PTPRT: variants seen among roughly 807,000 people sequenced by gnomAD.
PTPRT encodes receptor-type tyrosine-protein phosphatase T.
Under a neutral mutation model 176.8 loss-of-function variants are expected in PTPRT, and 56 were observed. The ratio of observed to expected loss-of-function variants is 0.32; its 90% CI spans 0.26 to 0.40. The LOEUF is 0.40. PTPRT is among the 10% of genes least tolerant of loss of function. The probability of loss-of-function intolerance (pLI) is 1.00; values close to 1 mark genes in which losing one functional copy is unlikely to be tolerated. For synonymous variants in PTPRT, 783 were observed against 739.0 expected, an observed-to-expected ratio of 1.06 and a Z score of -0.96; for missense variants, 1,540 against 1,908.2, an observed-to-expected ratio of 0.81 and a Z score of 3.60.
chr20:42,103,772 C>T (rs1159149679), intron 25 of PTPRT, among the ~76,000 whole-genome samples: 1 of 152,226 alleles, frequency 6.6e-6, no homozygotes, highest in Non-Finnish European at 1.5e-5. Flanking sequence ...GAAATTCACA[C>T]CTGTTTGTAT....
intron 6 of PTPRT, among the ~76,000 whole-genome samples, chr20:42,718,645 AT>A (rs1281674775): frequency 6.6e-6 from 1 of 152,184 alleles, no homozygotes; most frequent in Non-Finnish European, 1.5e-5. Context: ...TTATGCTCTT[AT>A]TTATATAAAA....
In PTPRT at chr20:42,563,803, C is replaced by T. The variant is rs77946268; in HGVS notation, c.1154-91241G>A. Among the ~76,000 whole-genome samples the T allele has an allele frequency of 2.9e-3, 447 of 152,280 alleles. 1 individual carries two copies. Among genetic ancestry groups the T allele is most frequent in the Middle Eastern group, 0.017 (5 of 294 alleles). On this transcript the variant is annotated intron_variant, in intron 7 of 30. Transcript: ENST00000373187. ...GTGCGTGTGTGCACACACATGCCCA[C>T]GGCAAGTGTTTGGAAGGTGTTCTAT...
intron 7 of PTPRT, among the ~76,000 whole-genome samples, chr20:42,587,447 C>T (rs2073491466): frequency 6.6e-6 from 1 of 152,236 alleles, no homozygotes; most frequent in East Asian, 1.9e-4. Flanking sequence ...AGGCAGAGCC[C>T]TGACATCAGC....
chr20:42,380,425 C>T (rs533148743), intron 9 of PTPRT, among the ~76,000 whole-genome samples: 68 of 152,336 alleles, frequency 4.5e-4, no homozygotes, highest in African/African-American at 1.5e-3. Flanking sequence ...CCTCCATGCA[C>T]TCCTCACTTC....
chr20:43,085,722 C>T (rs2011586108), intron 1 of PTPRT, among the ~76,000 whole-genome samples: 1 of 152,166 alleles, frequency 6.6e-6, no homozygotes, highest in African/African-American at 2.4e-5. Flanking sequence ...AACCCTCCCC[C>T]ATGATTCAAT....
intron 9 of PTPRT, among the ~76,000 whole-genome samples, chr20:42,386,772 AT>A (rs1345614650): frequency 6.6e-6 from 1 of 152,142 alleles, no homozygotes; most frequent in African/African-American, 2.4e-5. Flanking sequence ...GAGGCAAAGA[AT>A]TGCTTGAACC....
intron 14 of PTPRT, among the ~76,000 whole-genome samples, chr20:42,243,223 T>A (rs2056389909): frequency 6.6e-6 from 1 of 152,016 alleles, no homozygotes; most frequent in Admixed American, 6.6e-5. Flanking sequence ...GGAAACAGGT[T>A]GGGGAGTAGG....
chr20:42,881,312 A>G (rs190383652), intron 2 of PTPRT, among the ~76,000 whole-genome samples: 284 of 152,324 alleles, frequency 1.9e-3, no homozygotes, highest in African/African-American at 6.4e-3. Context: ...CATGTCTATG[A>G]TAACGATTTT....
At chr20:42,381,939 A>G (rs556562027) in intron 9 of PTPRT, among the ~76,000 whole-genome samples, 1 of 152,334 alleles carries the variant, frequency 6.6e-6, no homozygotes, top group East Asian at 1.9e-4. Context: ...TTTATAGAGA[A>G]AGGTGGCAGA....
At chr20:43,158,381 C>A (rs1347641374) in intron 1 of PTPRT, among the ~76,000 whole-genome samples, 1 of 152,122 alleles carries the variant, frequency 6.6e-6, no homozygotes, top group Non-Finnish European at 1.5e-5. Context: ...GTGGAAATGC[C>A]ACGCAGTTAA....
chr20:43,065,884 A>C (rs942464616), intron 1 of PTPRT, among the ~76,000 whole-genome samples: 11 of 152,058 alleles, frequency 7.2e-5, no homozygotes, highest in Non-Finnish European at 1.5e-4. Flanking sequence ...GGGGAAAAAA[A>C]GGTGTCCATA....
At chr20:42,161,995 TC>T (rs1399692223) in intron 16 of PTPRT, among the ~76,000 whole-genome samples, 2 of 152,142 alleles carry the variant, frequency 1.3e-5, no homozygotes, top group African/African-American at 4.8e-5. Context: ...CATGTATAAT[TC>T]TGGTCTATTT....
At chr20:42,886,448 T>C (rs1025440555) in intron 1 of PTPRT, among the ~76,000 whole-genome samples, 1 of 152,068 alleles carries the variant, frequency 6.6e-6, no homozygotes, top group Non-Finnish European at 1.5e-5. Context: ...AGAAATACCA[T>C]GAGGAATAAA....
At chr20:42,252,922 C>T (rs2056571754) in intron 13 of PTPRT, among the ~76,000 whole-genome samples, 1 of 152,202 alleles carries the variant, frequency 6.6e-6, no homozygotes, top group Non-Finnish European at 1.5e-5. Flanking sequence ...AACTAGACAT[C>T]AGATACAGGA....
intron 2 of PTPRT, among the ~76,000 whole-genome samples, chr20:42,801,187 A>G (rs1257637516): frequency 6.6e-6 from 1 of 152,216 alleles, no homozygotes; most frequent in African/African-American, 2.4e-5. Context: ...CCCAGATGCC[A>G]TCACATTATT....
intron 12 of PTPRT, among the ~76,000 whole-genome samples, chr20:42,311,677 A>G (rs2057631526): frequency 6.6e-6 from 1 of 151,978 alleles, no homozygotes; most frequent in African/African-American, 2.4e-5. Context: ...ATGGAGCAAA[A>G]CAACACTTTT....
intron 7 of PTPRT, among the ~76,000 whole-genome samples, chr20:42,639,990 AG>A (rs1170627788): frequency 6.6e-6 from 1 of 152,136 alleles, no homozygotes; most frequent in Non-Finnish European, 1.5e-5. Flanking sequence ...ATCTGTCAGC[AG>A]CTATGGACCT....
chr20:42,480,657 G>A (rs2071369303), intron 7 of PTPRT, among the ~76,000 whole-genome samples: 1 of 152,108 alleles, frequency 6.6e-6, no homozygotes, highest in Non-Finnish European at 1.5e-5. Context: ...CTTTTGCAGG[G>A]GAAGTACTGG....
rs765306931 is a variant in PTPRT, at chr20:43,132,304, A to C, written c.88+57342T>G. Among the ~76,000 whole-genome samples the C allele has an allele frequency of 3.7e-4, 56 of 152,346 alleles. 1 individual carries two copies. The highest frequency in any genetic ancestry group is 6.9e-4 in the Non-Finnish European group (47 of 68,026). ...TAAGATTTCAGTAGGTGGATTTTAAAAAAACATAAGAAATCAATTGCTTTT... is the reference window on the plus strand; with the variant it reads ...TAAGATTTCAGTAGGTGGATTTTAACAAAACATAAGAAATCAATTGCTTTT... On this transcript the variant is annotated intron_variant, in intron 1 of 30. Transcript: ENST00000373187.
Sources: allele counts gnomAD v4.1 joint callset (sites outside exome capture counted in the v4.1 genomes callset), GRCh38; gene constraint gnomAD v4.1.1; transcripts MANE v1.5; gene names NCBI Gene and HGNC (gene_info 2026-07-23, HGNC 2026-07-21).